EEPD1: variants seen among roughly 807,000 people sequenced by gnomAD.
EEPD1 encodes the protein endonuclease/exonuclease/phosphatase family domain-containing protein 1.
A neutral mutation model predicts 46.3 loss-of-function variants in EEPD1; 17 were observed. That is an observed-to-expected ratio of 0.37 (90% confidence interval 0.25 to 0.55). The LOEUF (loss-of-function observed/expected upper bound fraction) is 0.55, where lower values mean the gene tolerates loss of function less well. EEPD1 is among the 20% of genes least tolerant of loss of function. The probability of loss-of-function intolerance (pLI) is 0.83; values close to 1 mark genes in which losing one functional copy is unlikely to be tolerated. For synonymous variants in EEPD1, 313 were observed against 315.6 expected (o/e 0.99, Z 0.09); for missense variants, 673 against 745.6 (o/e 0.90, Z 1.13).
At chr7:36,226,334 G>A (rs1288712005) in intron 2 of EEPD1, among the ~76,000 whole-genome samples, 1 of 152,180 alleles carries the variant, frequency 6.6e-6, no homozygotes, top group Non-Finnish European at 1.5e-5. Context: ...GGGAAGCAGC[G>A]TGCTAAGTAC....
intron 3 of EEPD1, among the ~76,000 whole-genome samples, chr7:36,263,831 T>C (rs1041137437): frequency 2.0e-5 from 3 of 152,230 alleles, no homozygotes; most frequent in African/African-American, 7.2e-5. Flanking sequence ...AATTGCTATG[T>C]ATCGATTGTT....
chr7:36,197,030 T>C (rs1785611028), intron 2 of EEPD1, among the ~76,000 whole-genome samples: 1 of 141,166 alleles, frequency 7.1e-6, no homozygotes, highest in South Asian at 2.3e-4. Flanking sequence ...CGCCGCCCCG[T>C]CTGGGATGTG....
intron 3 of EEPD1, among the ~76,000 whole-genome samples, chr7:36,245,240 G>A (rs1046556934): frequency 6.6e-6 from 1 of 152,220 alleles, no homozygotes; most frequent in South Asian, 2.1e-4. Context: ...GAGCTACCGC[G>A]CCTGGCCACA....
intron 2 of EEPD1, among the ~76,000 whole-genome samples, chr7:36,190,804 C>T (rs1445771430): frequency 6.6e-6 from 1 of 152,178 alleles, no homozygotes; most frequent in Non-Finnish European, 1.5e-5. Flanking sequence ...GCTTGGTTAT[C>T]CCAGGTTACT....
intron 7 of EEPD1, among the ~76,000 whole-genome samples, chr7:36,297,776 A>G (rs922290054): frequency 5.3e-5 from 8 of 152,206 alleles, no homozygotes; most frequent in African/African-American, 1.9e-4. Flanking sequence ...GGAGCAGGGT[A>G]TGGGGGTGAT....
intron 2 of EEPD1, among the ~76,000 whole-genome samples, chr7:36,166,644 T>C (rs1784986782): frequency 2.0e-5 from 3 of 152,182 alleles, no homozygotes; most frequent in African/African-American, 7.2e-5. Flanking sequence ...GAAATGAGAC[T>C]GTGAGATCAC....
At chr7:36,254,585 T>G (rs1786800013) in intron 3 of EEPD1, among the ~76,000 whole-genome samples, 1 of 152,136 alleles carries the variant, frequency 6.6e-6, no homozygotes, top group Non-Finnish European at 1.5e-5. Context: ...CTGCAATAAA[T>G]ATACGTGTGC....
chr7:36,299,489 G>C lies in EEPD1; in HGVS notation c.*283G>C. The C allele has an allele frequency of 2.2e-6, 1 of 459,030 alleles. No individual in the cohort carries two copies. Among genetic ancestry groups the C allele is most frequent in the Non-Finnish European group, 3.9e-6 (1 of 253,566 alleles). The allele number at this position is 459,030 out of a possible 1,614,324, so 28.4% of individuals were successfully genotyped here. The stretch of plus-strand genomic sequence containing the variant: ...AGACCTGAGCAGCATTGGGCTGGCT[G>C]TCCGCTGCTGACTGGATGGCAGCAC... On this transcript the variant is annotated 3_prime_UTR_variant, in exon 8 of 8. Coordinates refer to ENST00000242108, the MANE Select transcript of EEPD1 (RefSeq NM_030636.3).
chr7:36,237,271 G>A (rs1321777913), intron 2 of EEPD1, among the ~76,000 whole-genome samples: 3 of 152,120 alleles, frequency 2.0e-5, no homozygotes, highest in Admixed American at 1.3e-4. Flanking sequence ...CACTCACCGC[G>A]AGGTTCCACG....
At chr7:36,166,934 G>A (rs1339448515) in intron 2 of EEPD1, among the ~76,000 whole-genome samples, 2 of 152,148 alleles carry the variant, frequency 1.3e-5, no homozygotes, top group African/African-American at 2.4e-5. Context: ...AGACTGGGGG[G>A]CTTCAACCAC....
chr7:36,174,165 C>G (rs547118013), intron 2 of EEPD1, among the ~76,000 whole-genome samples: 1 of 152,180 alleles, frequency 6.6e-6, no homozygotes, highest in African/African-American at 2.4e-5. Flanking sequence ...GGTCCTTACC[C>G]GACCAGTTCT....
intron 6 of EEPD1, among the ~76,000 whole-genome samples, chr7:36,288,605 G>A (rs1339885184): frequency 1.3e-5 from 2 of 151,810 alleles, no homozygotes; most frequent in Non-Finnish European, 1.5e-5. Flanking sequence ...TACAAAGAAC[G>A]AAAAAAATTA....
At position 36,253,468 on chromosome 7, in the gene EEPD1, T is replaced by C. The variant is rs76454993; in HGVS notation, c.930+14432T>C. 2.0e-3 allele frequency among the ~76,000 whole-genome samples: 302 copies of C among 152,350 alleles called. 10 individuals carry two copies. In the East Asian group the frequency reaches 0.05, roughly 25 times the overall value. ...ACTATCTGGAGGTCTAGTTGGTTTA[T>C]GGTTTATGTTGTAGTTCAAGTCTTT... On this transcript the variant is annotated intron_variant, in intron 3 of 7. Transcript: ENST00000242108.
chr7:36,212,162 G>A (rs1429484442), intron 2 of EEPD1, among the ~76,000 whole-genome samples: 2 of 152,196 alleles, frequency 1.3e-5, no homozygotes, highest in Admixed American at 6.5e-5. Context: ...TAGGGGAAAT[G>A]TTTAACTTAC....
chr7:36,274,851 C>G (rs11765336), intron 3 of EEPD1, among the ~76,000 whole-genome samples: 63,718 of 152,050 alleles, frequency 0.42, 14,565 homozygotes, highest in Non-Finnish European at 0.51. Context: ...CCTTGCTTAC[C>G]GTTCACATTT....
chr7:36,301,149 C>T lies in EEPD1; in HGVS notation c.*1943C>T, dbSNP rs1583485068. 1 of 152,218 alleles carries T rather than the reference C, an allele frequency of 6.6e-6. No homozygotes were observed. Among genetic ancestry groups the T allele is most frequent in the South Asian group, 2.1e-4 (1 of 4,832 alleles). The allele number at this position is 152,218 out of a possible 1,614,324, so 9.4% of individuals were successfully genotyped here. ...ATCAGATGACCTTTGTGTTCGTAATCGGGCTTGAGCCAGAGGCTGGGGAGC... is the reference window on the plus strand; with the variant it reads ...ATCAGATGACCTTTGTGTTCGTAATTGGGCTTGAGCCAGAGGCTGGGGAGC... On this transcript the variant is annotated 3_prime_UTR_variant, in exon 8 of 8. Coordinates refer to ENST00000242108, the MANE Select transcript of EEPD1 (RefSeq NM_030636.3).
intron 2 of EEPD1, among the ~76,000 whole-genome samples, chr7:36,218,203 A>T (rs1258501619): frequency 6.6e-6 from 1 of 152,128 alleles, no homozygotes; most frequent in Non-Finnish European, 1.5e-5. Context: ...ATTTATACTG[A>T]ATACAGTAGT....
At chr7:36,289,426 A>G (rs1269113513) in intron 6 of EEPD1, among the ~76,000 whole-genome samples, 1 of 152,160 alleles carries the variant, frequency 6.6e-6, no homozygotes, top group African/African-American at 2.4e-5. Context: ...TAGAATGATA[A>G]TATTTGTCCT....
intron 2 of EEPD1, among the ~76,000 whole-genome samples, chr7:36,203,004 C>T (rs1317362201): frequency 6.6e-6 from 1 of 152,154 alleles, no homozygotes; most frequent in Non-Finnish European, 1.5e-5. Flanking sequence ...TGTGTCCTTG[C>T]CCTGGATTAA....
Sources: gnomAD v4.1 joint callset for allele counts (sites outside exome capture counted in the v4.1 genomes callset) on GRCh38, gnomAD v4.1.1 for gene constraint, MANE v1.5 for transcripts, NCBI Gene and HGNC (gene_info 2026-07-23, HGNC 2026-07-21) for gene names.